The following PRSS23 variants were observed in gnomAD, a reference collection of about 807,000 sequenced individuals.
PRSS23 encodes protease, serine 23.
A neutral mutation model predicts 34.7 loss-of-function variants in PRSS23; 25 were observed. That is an observed-to-expected ratio of 0.72 (90% confidence interval 0.53 to 1.01). PRSS23 has a LOEUF of 1.01. PRSS23 is among the 50% of genes least tolerant of loss of function. PRSS23 has a pLI of 0.00. For synonymous variants in PRSS23, 176 were observed against 186.6 expected, an observed-to-expected ratio of 0.94 and a Z score of 0.46; for missense variants, 445 against 475.6, an observed-to-expected ratio of 0.94 and a Z score of 0.60.
intron 2 of PRSS23, among the ~76,000 whole-genome samples, chr11:86,847,687 G>T (rs1024955453): frequency 6.6e-6 from 1 of 152,136 alleles, no homozygotes; most frequent in African/African-American, 2.4e-5. Context: ...CCTTAAAAAA[G>T]AAGCAGCTAA....
intron 1 of PRSS23, among the ~76,000 whole-genome samples, chr11:86,795,328 T>C (rs1947974347): frequency 6.6e-6 from 1 of 152,188 alleles, no homozygotes; most frequent in Non-Finnish European, 1.5e-5. Context: ...TCACTGAATC[T>C]TTACAACACC....
chr11:86,793,058 T>C (rs185830490), intron 1 of PRSS23, among the ~76,000 whole-genome samples: 2 of 152,340 alleles, frequency 1.3e-5, no homozygotes, highest in East Asian at 3.9e-4. Flanking sequence ...GATTTCACCA[T>C]GTTGCCCAGG....
intron 2 of PRSS23, among the ~76,000 whole-genome samples, chr11:86,830,207 C>T (rs1366404492): frequency 6.6e-6 from 1 of 152,298 alleles, no homozygotes; most frequent in Admixed American, 6.5e-5. Context: ...GGGCGCCCCT[C>T]CCCCAGCCTC....
At chr11:86,838,544 G>T (rs1031807004) in intron 2 of PRSS23, among the ~76,000 whole-genome samples, 15 of 152,206 alleles carry the variant, frequency 9.9e-5, no homozygotes, top group African/African-American at 3.6e-4. Flanking sequence ...TGGGGGCAGG[G>T]CATAGCAGAA....
chr11:86,938,113 A>C (rs768375110), intron 2 of PRSS23, among the ~76,000 whole-genome samples: 10 of 152,226 alleles, frequency 6.6e-5, no homozygotes, highest in Non-Finnish European at 1.5e-4. Context: ...GCAACAATCC[A>C]GTGCCACAAA....
intron 2 of PRSS23, chr11:86,939,112 C>A: frequency 2.5e-6 from 1 of 404,158 alleles, no homozygotes; most frequent in South Asian, 1.8e-5. Context: ...GAGAAGAGAA[C>A]ATCGCCAGAA....
At chr11:86,820,815 T>C (rs530477291) in intron 1 of PRSS23, among the ~76,000 whole-genome samples, 40 of 152,278 alleles carry the variant, frequency 2.6e-4, no homozygotes, top group African/African-American at 8.7e-4. Context: ...CTCAATTTTT[T>C]TTATAGATGG....
intron 2 of PRSS23, among the ~76,000 whole-genome samples, chr11:86,900,041 G>C (rs1415929053): frequency 2.6e-5 from 4 of 152,132 alleles, no homozygotes; most frequent in Admixed American, 6.5e-5. Context: ...GTTAGATGAG[G>C]GAAGGAGCTG....
intron 2 of PRSS23, among the ~76,000 whole-genome samples, chr11:86,913,885 G>A (rs1948994308): frequency 6.6e-6 from 1 of 151,118 alleles, no homozygotes; most frequent in Admixed American, 6.6e-5. Flanking sequence ...CAGAGAAGCT[G>A]GAAACTGGTT....
chr11:86,913,397 G>C lies in PRSS23; in HGVS notation c.207-37819G>C, dbSNP rs188453468. Among the ~76,000 whole-genome samples, 39 of 148,618 alleles carry C rather than the reference G, an allele frequency of 2.6e-4. 3 individuals are homozygous for C. Among genetic ancestry groups the C allele is most frequent in the African/African-American group, 9.3e-4 (37 of 39,732 alleles). On this transcript the variant is annotated intron_variant, in intron 2 of 2. Transcript: ENST00000533902. ...TCTCCATAGCCTTCAGGTTTGTATTGGTGTTTTTTTTTTTTTCAATAGTCT... is the reference window on the plus strand; with the variant it reads ...TCTCCATAGCCTTCAGGTTTGTATTCGTGTTTTTTTTTTTTTCAATAGTCT...
chr11:86,927,246 G>A (rs894666278), intron 2 of PRSS23, among the ~76,000 whole-genome samples: 36 of 152,128 alleles, frequency 2.4e-4, no homozygotes, highest in African/African-American at 6.3e-4. Context: ...ATAGGCAGGC[G>A]TTGTCATCTC....
chr11:86,890,171 G>A (rs1948831946), intron 2 of PRSS23, among the ~76,000 whole-genome samples: 2 of 152,068 alleles, frequency 1.3e-5, no homozygotes, highest in Admixed American at 1.3e-4. Context: ...CTCAGAGGCT[G>A]AGGCATGAGA....
upstream of PRSS23, among the ~76,000 whole-genome samples, chr11:86,797,600 G>A (rs1215373926): frequency 6.6e-6 from 1 of 152,174 alleles, no homozygotes; most frequent in Non-Finnish European, 1.5e-5. Flanking sequence ...CTCTCTGAGT[G>A]ATGGGAATAA....
chr11:86,945,498 G>A (rs1349015714), intron 2 of PRSS23, among the ~76,000 whole-genome samples: 1 of 152,162 alleles, frequency 6.6e-6, no homozygotes, highest in South Asian at 2.1e-4. Flanking sequence ...GACTGTGGGG[G>A]TTTGCTGACG....
At chr11:86,840,763 T>C (rs1483091825) in intron 2 of PRSS23, among the ~76,000 whole-genome samples, 1 of 152,188 alleles carries the variant, frequency 6.6e-6, no homozygotes, top group Non-Finnish European at 1.5e-5. Context: ...AAATTATCTG[T>C]CAGACCACAG....
intron 2 of PRSS23, among the ~76,000 whole-genome samples, chr11:86,901,925 G>T (rs1009206521): frequency 3.9e-5 from 6 of 152,080 alleles, no homozygotes; most frequent in Non-Finnish European, 8.8e-5. Context: ...GGTACTTCTG[G>T]GGGAAAATAG....
At chr11:86,941,503 G>GT (rs1304050186) in intron 2 of PRSS23, among the ~76,000 whole-genome samples, 5 of 152,212 alleles carry the variant, frequency 3.3e-5, no homozygotes, top group African/African-American at 1.2e-4. Flanking sequence ...TTACTAAGCA[G>GT]TAGAGGATTT....
intron 2 of PRSS23, among the ~76,000 whole-genome samples, chr11:86,872,174 T>C (rs569520626): frequency 1.6e-4 from 25 of 152,240 alleles, no homozygotes; most frequent in Non-Finnish European, 3.4e-4. Context: ...TGATAATGTA[T>C]GTTAAGTATC....
intron 2 of PRSS23, among the ~76,000 whole-genome samples, chr11:86,845,083 T>C (rs1292350702): frequency 1.3e-5 from 2 of 149,732 alleles, no homozygotes; most frequent in African/African-American, 5.0e-5. Context: ...AGTGAAACTC[T>C]GTCTCAGAAA....
Sources: gnomAD v4.1 joint callset for allele counts (sites outside exome capture counted in the v4.1 genomes callset) on GRCh38, gnomAD v4.1.1 for gene constraint, MANE v1.5 for transcripts, NCBI Gene and HGNC (gene_info 2026-07-23, HGNC 2026-07-21) for gene names.